The following ASIC2 variants were observed in gnomAD, a reference collection of about 807,000 sequenced individuals.
The protein encoded by ASIC2 is acid sensing ion channel subunit 2, also known as acid-sensing ion channel 2.
ASIC2 carries 25 observed loss-of-function variants against 57.3 expected under a neutral mutation model. The observed-to-expected ratio is 0.44, with a 90% confidence interval of 0.32 to 0.61. The LOEUF (loss-of-function observed/expected upper bound fraction) is 0.61. ASIC2 is among the 20% of genes least tolerant of loss of function. The probability of loss-of-function intolerance (pLI) is 0.06; values close to 1 mark genes in which losing one functional copy is unlikely to be tolerated. For synonymous variants in ASIC2, 319 were observed against 307.5 expected (o/e 1.04, Z -0.39); for missense variants, 641 against 738.1 (o/e 0.87, Z 1.52).
At chr17:33,493,982 G>A (rs1235394983) in intron 1 of ASIC2, among the ~76,000 whole-genome samples, 2 of 152,238 alleles carry the variant, frequency 1.3e-5, no homozygotes, top group African/African-American at 4.8e-5. Flanking sequence ...AAAGGTGGGA[G>A]ACTCTTACAG....
At chr17:33,187,816 C>G (rs1255432674) in intron 1 of ASIC2, among the ~76,000 whole-genome samples, 4 of 150,384 alleles carry the variant, frequency 2.7e-5, no homozygotes, top group African/African-American at 9.8e-5. Context: ...GGACAAGGCC[C>G]CCAAACATTT....
intron 1 of ASIC2, among the ~76,000 whole-genome samples, chr17:33,288,715 GACACACACACACACACACACAC>G (rs56013728): frequency 1.9e-4 from 27 of 143,614 alleles, no homozygotes; most frequent in African/African-American, 6.2e-4. Flanking sequence ...AGCTCTCTCT[GACACACACACACACACACACAC>G]ACACACACAC....
At chr17:33,874,217 C>T (rs1173577136) in intron 1 of ASIC2, among the ~76,000 whole-genome samples, 2 of 152,168 alleles carry the variant, frequency 1.3e-5, no homozygotes, top group African/African-American at 2.4e-5. Context: ...GCTCCAAGAA[C>T]TCCTTAGAAT....
intron 2 of ASIC2, among the ~76,000 whole-genome samples, chr17:33,103,026 G>A (rs149472442): frequency 0.01 from 1,546 of 152,148 alleles, 22 homozygotes; most frequent in African/African-American, 0.035. Flanking sequence ...CTCGTGATCC[G>A]CCCGCCTTGG....
chr17:33,159,581 G>A (rs889539740), intron 1 of ASIC2, among the ~76,000 whole-genome samples: 2 of 152,210 alleles, frequency 1.3e-5, no homozygotes, highest in Middle Eastern at 3.4e-3. Context: ...CTTCTTCCAC[G>A]CCACATGACC....
chr17:33,585,540 AT>A (rs1220087983), intron 1 of ASIC2, among the ~76,000 whole-genome samples: 2 of 152,124 alleles, frequency 1.3e-5, no homozygotes, highest in Non-Finnish European at 2.9e-5. Flanking sequence ...TGTTTTTGTG[AT>A]TACCACAGAG....
chr17:34,114,576 AT>A (rs1911373865), intron 1 of ASIC2, among the ~76,000 whole-genome samples: 1 of 152,150 alleles, frequency 6.6e-6, no homozygotes, highest in African/African-American at 2.4e-5. Flanking sequence ...TGCAGAAAGG[AT>A]TTTTTGGGGG....
chr17:34,071,725 G>T (rs1023367386), intron 1 of ASIC2: 3 of 152,096 alleles, frequency 2.0e-5, no homozygotes, highest in South Asian at 2.1e-4. Context: ...AGCTACTGGG[G>T]AGGCTGAGGC....
chr17:33,130,425 TG>T (rs2092341206), intron 1 of ASIC2, among the ~76,000 whole-genome samples: 1 of 152,200 alleles, frequency 6.6e-6, no homozygotes, highest in Admixed American at 6.5e-5. Context: ...CGATCTAGCT[TG>T]TATATGTTTA....
intron 1 of ASIC2, among the ~76,000 whole-genome samples, chr17:33,824,063 A>G (rs1912833726): frequency 6.6e-6 from 1 of 152,192 alleles, no homozygotes; most frequent in Non-Finnish European, 1.5e-5. Flanking sequence ...AAAAACAGAG[A>G]AAACATGGAG....
intron 1 of ASIC2, among the ~76,000 whole-genome samples, chr17:33,223,546 C>T (rs1385477635): frequency 6.6e-6 from 1 of 152,222 alleles, no homozygotes; most frequent in African/African-American, 2.4e-5. Context: ...AGTCAACAAG[C>T]ATCCAAACAT....
chr17:33,575,202 C>T (rs999635932), intron 1 of ASIC2, among the ~76,000 whole-genome samples: 2 of 152,214 alleles, frequency 1.3e-5, no homozygotes, highest in African/African-American at 4.8e-5. Flanking sequence ...ATGAGTGATT[C>T]ATCTCTGAAT....
intron 1 of ASIC2, among the ~76,000 whole-genome samples, chr17:33,994,847 A>G (rs1906106041): frequency 2.6e-5 from 4 of 152,126 alleles, no homozygotes; most frequent in Non-Finnish European, 5.9e-5. Context: ...AGATTGGCCT[A>G]TTTGACCCAA....
chr17:33,624,834 ACCAAT>A (rs1437272584), intron 1 of ASIC2, among the ~76,000 whole-genome samples: 8 of 152,324 alleles, frequency 5.3e-5, no homozygotes, highest in Non-Finnish European at 1.5e-5. Context: ...GGTCATTTTC[ACCAAT>A]CCAAGCATCC....
chr17:33,359,418 T>A (rs1374143153), intron 1 of ASIC2, among the ~76,000 whole-genome samples: 1 of 152,164 alleles, frequency 6.6e-6, no homozygotes, highest in Admixed American at 6.5e-5. Flanking sequence ...AAGAGTCAAT[T>A]GAACATGAAT....
chr17:33,132,220 T>C (rs1327887238), intron 1 of ASIC2, among the ~76,000 whole-genome samples: 1 of 152,196 alleles, frequency 6.6e-6, no homozygotes, highest in Non-Finnish European at 1.5e-5. Context: ...TACTGTAACA[T>C]TTAAACTTAT....
chr17:33,692,177 T>C (rs1046622843), intron 1 of ASIC2: 1 of 152,166 alleles, frequency 6.6e-6, no homozygotes, highest in Non-Finnish European at 1.5e-5. Flanking sequence ...AAGCAATTAA[T>C]ATCAAACCTG....
At chr17:33,917,397 C>G (rs533580028) in intron 1 of ASIC2, among the ~76,000 whole-genome samples, 3 of 152,164 alleles carry the variant, frequency 2.0e-5, no homozygotes, top group Non-Finnish European at 4.4e-5. Context: ...TTTTCTCAGT[C>G]CCTGAGGCTT....
At chr17:33,880,908 C>T (rs1235095237) in intron 1 of ASIC2, among the ~76,000 whole-genome samples, 1 of 152,106 alleles carries the variant, frequency 6.6e-6, no homozygotes, top group Non-Finnish European at 1.5e-5. Context: ...AAAGCTTATC[C>T]ACCATGATCA....
Sources: allele counts gnomAD v4.1 joint callset (sites outside exome capture counted in the v4.1 genomes callset), GRCh38; gene constraint gnomAD v4.1.1; transcripts MANE v1.5; gene names NCBI Gene and HGNC (gene_info 2026-07-23, HGNC 2026-07-21).